CSMD1: variants seen among roughly 807,000 people sequenced by gnomAD.
The protein encoded by CSMD1 is CUB and Sushi multiple domains 1.
CSMD1 carries 213 observed loss-of-function variants against 417.5 expected under a neutral mutation model. That is an observed-to-expected ratio of 0.51 (90% CI 0.46 to 0.57). The LOEUF (loss-of-function observed/expected upper bound fraction) is 0.57, where lower values mean the gene tolerates loss of function less well. CSMD1 is among the 20% of genes least tolerant of loss of function. CSMD1 has a pLI of 0.00. For missense variants in CSMD1, 6,923 were observed against 4,529.7 expected, an observed-to-expected ratio of 1.53 and a Z score of -15.17; for synonymous variants, 2,862 against 1,736.8, an observed-to-expected ratio of 1.65 and a Z score of -16.11.
intron 5 of CSMD1, among the ~76,000 whole-genome samples, chr8:3,845,625 T>G (rs1184390174): frequency 2.6e-5 from 4 of 152,166 alleles, no homozygotes; most frequent in South Asian, 2.1e-4. Flanking sequence ...TGCAGTGTAC[T>G]TAGGCACACT....
At chr8:3,265,706 T>C (rs1396777399) in intron 26 of CSMD1, among the ~76,000 whole-genome samples, 1 of 152,064 alleles carries the variant, frequency 6.6e-6, no homozygotes, top group Non-Finnish European at 1.5e-5. Context: ...TCTGAAGAGG[T>C]TTTTTTCTCA....
chr8:3,962,650 G>C (rs1260817615), intron 5 of CSMD1, among the ~76,000 whole-genome samples: 1 of 152,158 alleles, frequency 6.6e-6, no homozygotes, highest in Non-Finnish European at 1.5e-5. Flanking sequence ...ACATTCAATT[G>C]CAGTTAGATA....
chr8:4,201,011 T>A (rs1452686535), intron 3 of CSMD1, among the ~76,000 whole-genome samples: 1 of 152,196 alleles, frequency 6.6e-6, no homozygotes. Flanking sequence ...CATATCAGTG[T>A]GGAAGGCATC....
intron 10 of CSMD1, among the ~76,000 whole-genome samples, chr8:3,525,141 G>C (rs770182716): frequency 7.9e-5 from 12 of 151,824 alleles, no homozygotes; most frequent in Non-Finnish European, 1.8e-4. Context: ...CACATACAGT[G>C]AGTCTTGAGT....
intron 10 of CSMD1, among the ~76,000 whole-genome samples, chr8:3,498,175 C>A (rs1268109035): frequency 6.6e-6 from 1 of 152,108 alleles, no homozygotes; most frequent in African/African-American, 2.4e-5. Context: ...TAATGTTAGT[C>A]TGGGAGCTTC....
At chr8:3,629,253 C>T (rs1483552398) in intron 7 of CSMD1, among the ~76,000 whole-genome samples, 1 of 152,116 alleles carries the variant, frequency 6.6e-6, no homozygotes, top group Non-Finnish European at 1.5e-5. Flanking sequence ...AAGGTCAAAC[C>T]ATGAAGACCC....
chr8:4,423,624 G>C (rs1009383984), intron 2 of CSMD1, among the ~76,000 whole-genome samples: 2 of 151,920 alleles, frequency 1.3e-5, no homozygotes, highest in Non-Finnish European at 2.9e-5. Flanking sequence ...AAAGATATAG[G>C]TTACTTCCAA....
intron 2 of CSMD1, among the ~76,000 whole-genome samples, chr8:4,483,638 A>C (rs1801219430): frequency 6.6e-6 from 1 of 152,188 alleles, no homozygotes. Context: ...AAACAGCAAA[A>C]TGTGATTTTT....
chr8:4,196,136 G>A (rs191996036), intron 3 of CSMD1, among the ~76,000 whole-genome samples: 2 of 152,206 alleles, frequency 1.3e-5, no homozygotes. Context: ...GCTTGAACCC[G>A]GGAAGTGGAG....
chr8:3,938,417 A>T (rs1445556176), intron 5 of CSMD1, among the ~76,000 whole-genome samples: 2 of 152,204 alleles, frequency 1.3e-5, no homozygotes, highest in African/African-American at 4.8e-5. Context: ...TTTGGGCTTC[A>T]AAAGAATAGT....
chr8:3,464,457 T>C (rs974842312), intron 12 of CSMD1, among the ~76,000 whole-genome samples: 2 of 152,026 alleles, frequency 1.3e-5, no homozygotes, highest in Non-Finnish European at 2.9e-5. Context: ...CTATGAGATA[T>C]ATATTTTATT....
intron 5 of CSMD1, 95 bp downstream of exon 5, chr8:3,997,808 G>C: frequency 8.8e-7 from 1 of 1,132,980 alleles, no homozygotes; most frequent in Non-Finnish European, 1.3e-6. Context: ...GCTTGCCCAT[G>C]AACGTCCAGA....
At chr8:3,594,081 T>C (rs956579452) in intron 8 of CSMD1, among the ~76,000 whole-genome samples, 2 of 152,172 alleles carry the variant, frequency 1.3e-5, no homozygotes, top group Admixed American at 1.3e-4. Context: ...ACACCTCCAA[T>C]ATCTAATATT....
chr8:4,378,377 C>G (rs1435146883), intron 3 of CSMD1, among the ~76,000 whole-genome samples: 1 of 152,186 alleles, frequency 6.6e-6, no homozygotes, highest in Non-Finnish European at 1.5e-5. Context: ...GAGAAATTAG[C>G]TCACTCGTTT....
intron 7 of CSMD1, among the ~76,000 whole-genome samples, chr8:3,654,294 T>C (rs936861251): frequency 6.6e-6 from 1 of 152,190 alleles, no homozygotes; most frequent in African/African-American, 2.4e-5. Flanking sequence ...ACAATAGAAA[T>C]ACAAAGATTT....
chr8:4,875,602 G>A (rs965095892), intron 1 of CSMD1, among the ~76,000 whole-genome samples: 5 of 152,080 alleles, frequency 3.3e-5, no homozygotes. Flanking sequence ...TGCCCTCTAA[G>A]CGTAGCTTGA....
At chr8:3,517,891 A>C (rs1797347810) in intron 10 of CSMD1, among the ~76,000 whole-genome samples, 1 of 152,192 alleles carries the variant, frequency 6.6e-6, no homozygotes, top group African/African-American at 2.4e-5. Flanking sequence ...AGGAGATTTA[A>C]AGAAATGTGA....
intron 2 of CSMD1, among the ~76,000 whole-genome samples, chr8:4,504,644 C>A (rs1294446221): frequency 6.6e-6 from 1 of 152,114 alleles, no homozygotes; most frequent in African/African-American, 2.4e-5. Flanking sequence ...GCCCCCACCT[C>A]CCGACAAACC....
chr8:3,500,994 T>C (rs908266537), intron 10 of CSMD1, among the ~76,000 whole-genome samples: 2 of 152,190 alleles, frequency 1.3e-5, no homozygotes, highest in East Asian at 3.8e-4. Context: ...GAAAGAAATA[T>C]TGTTGCTACT....
Sources: gnomAD v4.1 joint callset for allele counts (sites outside exome capture counted in the v4.1 genomes callset) on GRCh38, gnomAD v4.1.1 for gene constraint, MANE v1.5 for transcripts, NCBI Gene and HGNC (gene_info 2026-07-23, HGNC 2026-07-21) for gene names.